The following SLC1A2 variants were observed in gnomAD, a reference collection of about 807,000 sequenced individuals.
The protein encoded by SLC1A2 is solute carrier family 1 member 2.
Under a neutral mutation model 48.8 loss-of-function variants are expected in SLC1A2, and 15 were observed. The observed-to-expected ratio is 0.31, with a 90% CI of 0.21 to 0.47. The LOEUF (loss-of-function observed/expected upper bound fraction) is 0.47, where lower values mean the gene tolerates loss of function less well. Ranked by LOEUF, SLC1A2 falls within the 20% of genes least tolerant of loss-of-function variation. The pLI is 0.99. For missense variants in SLC1A2, 502 were observed against 730.5 expected (o/e 0.69, Z 3.61); for synonymous variants, 279 against 272.6 (o/e 1.02, Z -0.23).
At chr11:35,298,556 T>C (rs770471385) in intron 6 of SLC1A2, 6 of 152,192 alleles carry the variant, frequency 3.9e-5, no homozygotes, top group Non-Finnish European at 8.8e-5. Context: ...ATGTGTAGAA[T>C]TGGCATCTCA....
At chr11:35,282,190 C>T (rs1850660093) in intron 8 of SLC1A2, among the ~76,000 whole-genome samples, 2 of 152,120 alleles carry the variant, frequency 1.3e-5, no homozygotes, top group South Asian at 2.1e-4. Flanking sequence ...TACAGACCCC[C>T]CAACCACACC....
At chr11:35,398,869 G>C (rs772492512) in intron 1 of SLC1A2, among the ~76,000 whole-genome samples, 3 of 152,186 alleles carry the variant, frequency 2.0e-5, no homozygotes, top group Non-Finnish European at 4.4e-5. Context: ...GCCCAACTGC[G>C]TCAGAGGGGC....
At chr11:35,373,110 G>A (rs1269240099) in intron 1 of SLC1A2, among the ~76,000 whole-genome samples, 1 of 152,188 alleles carries the variant, frequency 6.6e-6, no homozygotes, top group Admixed American at 6.5e-5. Context: ...ACCAGAGCAG[G>A]GCATGAGCCA....
chr11:35,364,400 T>C (rs1853777180), intron 1 of SLC1A2, among the ~76,000 whole-genome samples: 1 of 152,258 alleles, frequency 6.6e-6, no homozygotes, highest in Admixed American at 6.5e-5. Context: ...ATTAATATTC[T>C]GTAAGTGTAC....
intron 1 of SLC1A2, among the ~76,000 whole-genome samples, chr11:35,408,561 C>T (rs936399693): frequency 6.6e-5 from 10 of 152,188 alleles, no homozygotes; most frequent in African/African-American, 2.4e-4. Flanking sequence ...GCCTCCTCAG[C>T]CATGTGGAAC....
chr11:35,274,621 T>A (rs868801290), intron 9 of SLC1A2, among the ~76,000 whole-genome samples: 2 of 152,072 alleles, frequency 1.3e-5, no homozygotes. Flanking sequence ...ACAGCAGAAC[T>A]CAGATGAGCA....
chr11:35,400,711 C>G (rs1338943234), intron 1 of SLC1A2, among the ~76,000 whole-genome samples: 1 of 152,152 alleles, frequency 6.6e-6, no homozygotes, highest in African/African-American at 2.4e-5. Flanking sequence ...TTAAGTCTAA[C>G]TACTTGATTC....
chr11:35,380,256 A>G (rs1166616558), intron 1 of SLC1A2: 8 of 397,632 alleles, frequency 2.0e-5, no homozygotes, highest in Non-Finnish European at 3.5e-5. Flanking sequence ...CCTCCTTGAC[A>G]TAAGAACACC....
intron 1 of SLC1A2, among the ~76,000 whole-genome samples, chr11:35,374,853 T>C (rs963219370): frequency 1.2e-4 from 19 of 152,206 alleles, no homozygotes; most frequent in African/African-American, 4.3e-4. Context: ...TATCTATATA[T>C]ATAAATGTGT....
intron 5 of SLC1A2, among the ~76,000 whole-genome samples, chr11:35,304,052 A>G (rs1432435975): frequency 6.6e-6 from 1 of 152,094 alleles, no homozygotes. Flanking sequence ...TTGGATGGAA[A>G]CCGTATTCAG....
At chr11:35,273,452 C>T (rs1451242182) in intron 9 of SLC1A2, among the ~76,000 whole-genome samples, 4 of 152,204 alleles carry the variant, frequency 2.6e-5, no homozygotes, top group African/African-American at 9.6e-5. Context: ...GGGATACTCA[C>T]CTGCAAGCAT....
At chr11:35,352,544 T>C (rs964795467) in intron 1 of SLC1A2, among the ~76,000 whole-genome samples, 31 of 152,178 alleles carry the variant, frequency 2.0e-4, no homozygotes, top group Non-Finnish European at 4.3e-4. Context: ...AGCCCATCTT[T>C]CTAGAAGCCA....
chr11:35,273,284 G>A (rs746885788), intron 9 of SLC1A2, among the ~76,000 whole-genome samples: 14 of 152,152 alleles, frequency 9.2e-5, no homozygotes, highest in Non-Finnish European at 1.5e-4. Context: ...GGCATTCAAG[G>A]GCTAAAGTCA....
chr11:35,331,701 G>A (rs1465822945), intron 1 of SLC1A2, among the ~76,000 whole-genome samples: 2 of 152,142 alleles, frequency 1.3e-5, no homozygotes, highest in East Asian at 1.9e-4. Flanking sequence ...GATGCAGTTC[G>A]TGGTGTTTGG....
intron 1 of SLC1A2, among the ~76,000 whole-genome samples, chr11:35,413,145 G>C (rs1392615436): frequency 6.6e-6 from 1 of 152,196 alleles, no homozygotes; most frequent in African/African-American, 2.4e-5. Context: ...GGGTCAGGCA[G>C]GTAACATGAG....
chr11:35,287,762 A>T (rs750322448), intron 7 of SLC1A2, among the ~76,000 whole-genome samples: 9 of 152,232 alleles, frequency 5.9e-5, no homozygotes, highest in African/African-American at 2.2e-4. Context: ...ACCAATAAAC[A>T]GTAAGGGTTG....
In SLC1A2 at chr11:35,292,370, G is replaced by A; in HGVS notation, c.1008C>T (p.Tyr336=). 1 of 1,614,046 alleles carries A rather than the reference G, an allele frequency of 6.2e-7. No homozygotes were observed. The change falls in exon 7 of 11, where the codon TAC becomes TAT. Residue 336 remains tyrosine, a synonymous_variant. Coordinates refer to ENST00000278379, the MANE Select transcript of SLC1A2 (RefSeq NM_004171.4). ...AGGGGTTTTTCCTGGTCACTACAAA[G>A]TAAATCAAGGGGAGAAAGATGCCCC... The part of the protein sequence containing the change: ...IHGGIFLPLI[Y]FVVTRKNPFS...
rs557275866 is a variant in SLC1A2, at chr11:35,328,458, A to G, written c.18-10942T>C. ...CTTATTGATTTCTCACAATAACCTC[A>G]GGAGATAGGTACTACTATCAGCAAC... On this transcript the variant is annotated intron_variant, in intron 1 of 10. Transcript: ENST00000278379. Among the ~76,000 whole-genome samples, 5 of 152,328 alleles carry G rather than the reference A, an allele frequency of 3.3e-5. No homozygotes were observed. In the South Asian group the frequency reaches 1.0e-3, roughly 32 times the overall value.
intron 1 of SLC1A2, among the ~76,000 whole-genome samples, chr11:35,416,614 A>G (rs1855609880): frequency 6.6e-6 from 1 of 152,226 alleles, no homozygotes; most frequent in African/African-American, 2.4e-5. Context: ...ATATTATCCT[A>G]TTCCCCAAAC....
Sources: allele counts gnomAD v4.1 joint callset (sites outside exome capture counted in the v4.1 genomes callset), GRCh38; gene constraint gnomAD v4.1.1; transcripts MANE v1.5; gene names NCBI Gene and HGNC (gene_info 2026-07-23, HGNC 2026-07-21).